Variants in CFHR4 observed in about 807,000 individuals in gnomAD.
CFHR4 encodes the protein complement factor H-related protein 4.
Under a neutral mutation model 69.3 loss-of-function variants are expected in CFHR4, and 64 were observed. The observed-to-expected ratio is 0.92, with a 90% confidence interval of 0.76 to 1.14. The LOEUF (loss-of-function observed/expected upper bound fraction) is 1.14, where lower values mean the gene tolerates loss of function less well. Ranked by LOEUF, CFHR4 falls within the 50% of genes most tolerant of loss-of-function variation. The pLI is 0.00. For missense variants in CFHR4, 636 were observed against 684.9 expected (o/e 0.93, Z 0.80); for synonymous variants, 244 against 237.0 (o/e 1.03, Z -0.27).
chr1:196,902,886 G>A (rs1657700191), intron 2 of CFHR4, among the ~76,000 whole-genome samples: 1 of 151,236 alleles, frequency 6.6e-6, no homozygotes, highest in Admixed American at 6.6e-5. Flanking sequence ...TGACTTTTTT[G>A]TAAAAACATT....
chr1:196,907,784 A>G (rs1469320361), intron 5 of CFHR4, among the ~76,000 whole-genome samples: 4 of 151,534 alleles, frequency 2.6e-5, no homozygotes, highest in Non-Finnish European at 2.9e-5. Flanking sequence ...CACACATATG[A>G]AATACAGCAT....
rs188563096 is a variant in CFHR4 at position 196,905,841 on chromosome 1, A to G, written c.439+551A>G. The stretch of plus-strand genomic sequence containing the variant: ...AGAAAACAAGTAAAGAAAAAGAGTA[A>G]GTGGGTGGGCTGAATGTTTACAAAC... On this transcript the variant is annotated intron_variant, in intron 3 of 9. Coordinates refer to ENST00000608469, the MANE Select transcript of CFHR4 (RefSeq NM_001201550.3). Among the ~76,000 whole-genome samples, 256 of 151,562 alleles carry G rather than the reference A, an allele frequency of 1.7e-3. 7 individuals carry two copies. The highest frequency in any genetic ancestry group is 5.9e-3 in the African/African-American group (241 of 41,188).
At chr1:196,893,124 C>T (rs993764133) in intron 1 of CFHR4, among the ~76,000 whole-genome samples, 1 of 151,606 alleles carries the variant, frequency 6.6e-6, no homozygotes, top group Non-Finnish European at 1.5e-5. Context: ...TAGTCTACCA[C>T]GTTTTAAAAT....
chr1:196,905,688 G>A lies in CFHR4; in HGVS notation c.439+398G>A, dbSNP rs1207958868. On this transcript the variant is annotated intron_variant, in intron 3 of 9. Transcript: ENST00000608469. The stretch of plus-strand genomic sequence containing the variant: ...ACACTCTTAAGATGTACATGTTAGG[G>A]AAGGGATGAGTGCTTAATTCTGAGT... Among the ~76,000 whole-genome samples the A allele has an allele frequency of 1.5e-4, 22 of 151,574 alleles. 1 individual carries two copies.
In CFHR4 at chr1:196,892,930, G is replaced by C. The variant is rs982608478; in HGVS notation, c.58+4722G>C. Among the ~76,000 whole-genome samples, 7 of 151,526 alleles carry C rather than the reference G, an allele frequency of 4.6e-5. 2 individuals carry two copies. The highest frequency in any genetic ancestry group is 1.7e-4 in the African/African-American group (7 of 41,090). On this transcript the variant is annotated intron_variant, in intron 1 of 9. Transcript: ENST00000608469. ...GAGGAAACATTCAACTAACAATGCA[G>C]TTAAGTGGAAGAAAATGAAGAGTTT...
Position 196,904,392 on chromosome 1 carries a change from T to A in CFHR4, c.257-716T>A, listed in dbSNP as rs187118580. 1.4e-4 allele frequency among the ~76,000 whole-genome samples: 21 copies of A among 151,570 alleles called. 1 individual carries two copies. The highest frequency in any genetic ancestry group is 1.3e-3 in the Admixed American group (20 of 15,212). On this transcript the variant is annotated intron_variant, in intron 2 of 9. Transcript: ENST00000608469. ...GATAGTAAAATTGGTCCATTTACATTTTTTTCTAATTACTAACCAAAAAAG... is the reference window on the plus strand; with the variant it reads ...GATAGTAAAATTGGTCCATTTACATATTTTTCTAATTACTAACCAAAAAAG...
chr1:196,900,523 A>G (rs1006283604), intron 1 of CFHR4, among the ~76,000 whole-genome samples: 1 of 151,274 alleles, frequency 6.6e-6, no homozygotes, highest in African/African-American at 2.4e-5. Flanking sequence ...ATGAAACACC[A>G]TCATGAGATA....
intron 1 of CFHR4, among the ~76,000 whole-genome samples, chr1:196,894,858 C>G (rs1397168570): frequency 6.8e-6 from 1 of 146,708 alleles, no homozygotes; most frequent in Non-Finnish European, 1.5e-5. Context: ...TTGAGGTCAG[C>G]CTGGCAAGCA....
At chr1:196,907,805 C>T (rs1172907216) in intron 5 of CFHR4, among the ~76,000 whole-genome samples, 2 of 151,342 alleles carry the variant, frequency 1.3e-5, no homozygotes, top group African/African-American at 4.9e-5. Flanking sequence ...CTCACCTTAA[C>T]ATCAATAACC....
chr1:196,888,394 A>G lies in CFHR4; in HGVS notation c.58+186A>G, dbSNP rs1038668464. Among the ~76,000 whole-genome samples, 14 of 151,474 alleles carry G rather than the reference A, an allele frequency of 9.2e-5. 1 individual carries two copies. Among genetic ancestry groups the G allele is most frequent in the African/African-American group, 3.2e-4 (13 of 41,120 alleles). On this transcript the variant is annotated intron_variant, in intron 1 of 9. Coordinates refer to ENST00000608469, the MANE Select transcript of CFHR4 (RefSeq NM_001201550.3). The stretch of plus-strand genomic sequence containing the variant: ...TATGAAAAAATATCTCATAATTTAA[A>G]GAAAAAATGAATAATATTTTCTTTG...
chr1:196,910,321 T>A lies in CFHR4; in HGVS notation c.840T>A (p.His280Gln). The A allele has an allele frequency of 6.2e-7, 1 of 1,607,992 alleles. No individual in the cohort carries two copies. Among genetic ancestry groups the A allele is most frequent in the Non-Finnish European group, 8.5e-7 (1 of 1,176,946 alleles). Residue 280 changes from histidine (H) to glutamine (Q), a missense_variant, in exon 6 of 10, where the codon CAT becomes CAA. His to Gln is a conservative substitution (Grantham distance 24). This residue lies in a region of CFHR4 where 529 missense variants were observed against 533.2 expected (regional missense o/e 0.99). Transcript: ENST00000608469. ...AGTTTCCAGAAATTCAACATGGACA[T>A]CTATATTATGAGAATACGCGTAGAC... ...PCEFPEIQHG[H>Q]LYYENTRRPY...
At chr1:196,908,633 A>C (rs1658051890) in intron 5 of CFHR4, among the ~76,000 whole-genome samples, 1 of 151,460 alleles carries the variant, frequency 6.6e-6, no homozygotes, top group South Asian at 2.1e-4. Context: ...ACAATTCAAA[A>C]AATATGAGCC....
chr1:196,905,454 T>G (rs1657859279), intron 3 of CFHR4, among the ~76,000 whole-genome samples, 164 bp downstream of exon 3: 1 of 151,554 alleles, frequency 6.6e-6, no homozygotes, highest in Non-Finnish European at 1.5e-5. Context: ...TTTTTTGCCT[T>G]TTTAGAGTAA....
rs772730258 is a variant in CFHR4, at chr1:196,910,277, C to A, written c.800-4C>A. 1 of 1,553,520 alleles carries A rather than the reference C, an allele frequency of 6.4e-7. No homozygotes were observed. The highest frequency in any genetic ancestry group is 1.2e-5 in the South Asian group (1 of 81,832). ...TTTATACTATTTTTGTTTTTTGTTA[C>A]AAGCAATGAAACCTTGTGAGTTTCC... is the stretch of plus-strand genomic sequence containing the variant. On this transcript the variant is annotated splice_polypyrimidine_tract_variant and splice_region_variant and intron_variant, in intron 5 of 9. Coordinates refer to ENST00000608469, the MANE Select transcript of CFHR4 (RefSeq NM_001201550.3).
Position 196,902,511 on chromosome 1 carries a change from CTT to C in CFHR4, c.153_154del (p.Tyr52PhefsTer5), listed in dbSNP as rs1419496824. The C allele has an allele frequency of 1.2e-6, 2 of 1,610,918 alleles. No homozygotes were observed. On this transcript the variant is annotated frameshift_variant, in exon 2 of 10. Transcript: ENST00000608469. LOFTEE classifies it high-confidence loss of function. ...TACTTTCCAGCAGCTGCAGGACAAT[CTT>C]ATTCCTATTACTGTGATCAAAATTT...
At chr1:196,915,958 GAGA>G (rs1658596679) in intron 9 of CFHR4, among the ~76,000 whole-genome samples, 1 of 151,514 alleles carries the variant, frequency 6.6e-6, no homozygotes, top group Non-Finnish European at 1.5e-5. Flanking sequence ...GGTTAACACT[GAGA>G]AGTTCTTTCT....
At chr1:196,907,569 A>T (rs1385238569) in intron 5 of CFHR4, 71 bp downstream of exon 5, 6 of 1,309,278 alleles carry the variant, frequency 4.6e-6, no homozygotes, top group Non-Finnish European at 6.5e-6. Context: ...TTATACTAAA[A>T]TTTTTATGGG....
In CFHR4 at chr1:196,902,573, C is replaced by A. The variant is rs1657683658; in HGVS notation, c.214C>A (p.His72Asn). ...TPSGSYWDYI[H>N]CTQDGWSPTV... is the part of the protein sequence containing the mutation. ...TTCAGGAAGTTACTGGGATTACATT[C>A]ATTGCACACAAGATGGTTGGTCACC... Residue 72 changes from histidine to asparagine, a missense_variant, in exon 2 of 10, where the codon CAT becomes AAT. Around this residue, in one of 3 missense-constraint regions of CFHR4, gnomAD observed 529 missense variants for 533.2 expected, o/e 0.99. Coordinates refer to ENST00000608469, the MANE Select transcript of CFHR4 (RefSeq NM_001201550.3). The A allele has an allele frequency of 8.1e-6, 13 of 1,612,370 alleles. No individual in the cohort carries two copies. The highest frequency in any genetic ancestry group is 1.1e-5 in the Non-Finnish European group (13 of 1,179,300).
At chr1:196,894,937 G>C (rs1392906573) in intron 1 of CFHR4, among the ~76,000 whole-genome samples, 1 of 150,586 alleles carries the variant, frequency 6.6e-6, no homozygotes, top group Non-Finnish European at 1.5e-5. Flanking sequence ...AAATGCACCT[G>C]TAGTCCCAGC....
Sources: gnomAD v4.1 joint callset for allele counts (sites outside exome capture counted in the v4.1 genomes callset) on GRCh38, gnomAD v4.1.1 for gene constraint, gnomAD v4.1.1 regional missense constraint, MANE v1.5 for transcripts, NCBI Gene and HGNC (gene_info 2026-07-23, HGNC 2026-07-21) for gene names.